RBM19: variants seen among roughly 807,000 people sequenced by gnomAD.
RBM19 encodes probable RNA-binding protein 19.
A neutral mutation model predicts 116.8 loss-of-function variants in RBM19; 94 were observed. The observed-to-expected ratio is 0.80, with a 90% CI of 0.68 to 0.95. RBM19 has a LOEUF of 0.95. RBM19 is among the 40% of genes least tolerant of loss of function. RBM19 has a pLI of 0.00. For missense variants in RBM19, 1,161 were observed against 1,220.7 expected (o/e 0.95, Z 0.73); for synonymous variants, 475 against 494.1 (o/e 0.96, Z 0.51).
intron 21 of RBM19, among the ~76,000 whole-genome samples, chr12:113,866,025 CAGA>C (rs1475406799): frequency 4.6e-5 from 7 of 152,280 alleles, no homozygotes; most frequent in African/African-American, 1.2e-4. Context: ...TTCTCTCCCG[CAGA>C]AGGTTATGTT....
chr12:113,872,685 G>A (rs1179158644), intron 21 of RBM19, among the ~76,000 whole-genome samples: 3 of 3,784 alleles, frequency 7.9e-4, no homozygotes, highest in African/African-American at 1.3e-3. Context: ...CAGCCGCCCC[G>A]TCCGGGAGGG....
rs57857589 is a variant in RBM19 at position 113,946,118 on chromosome 12, C to T, written c.1530-194G>A. On this transcript the variant is annotated intron_variant, in intron 12 of 23. Transcript: ENST00000261741. Reference sequence around the variant, plus strand: ...ATGACAGGAACCATCCCTAACAGTGCTTCATCTGTGTCAGGGACTAAGAAC... The same window carrying T: ...ATGACAGGAACCATCCCTAACAGTGTTTCATCTGTGTCAGGGACTAAGAAC... Among the ~76,000 whole-genome samples, 785 of 152,324 alleles carry T rather than the reference C, an allele frequency of 5.2e-3. 8 individuals carry two copies. The highest frequency in any genetic ancestry group is 0.017 in the African/African-American group (706 of 41,566).
At chr12:113,883,325 G>A (rs1265560613) in intron 21 of RBM19, among the ~76,000 whole-genome samples, 2 of 152,248 alleles carry the variant, frequency 1.3e-5, no homozygotes, top group Non-Finnish European at 2.9e-5. Flanking sequence ...AAGCAAGAGA[G>A]GCTGCTGTCT....
intron 23 of RBM19, among the ~76,000 whole-genome samples, chr12:113,843,387 G>C (rs1876668371): frequency 6.6e-6 from 1 of 152,160 alleles, no homozygotes; most frequent in Admixed American, 6.5e-5. Flanking sequence ...CCTGAGACCT[G>C]GGACCCAGGC....
At chr12:113,927,324 C>G in intron 16 of RBM19, 95 bp from the exon 17 acceptor site, 1 of 1,439,304 alleles carries the variant, frequency 6.9e-7, no homozygotes, top group Non-Finnish European at 9.2e-7. Flanking sequence ...TGCAAAAAGC[C>G]CACTAGGTAA....
In RBM19 at chr12:113,962,307, G is replaced by C. The variant is rs1467157162; in HGVS notation, c.144C>G (p.Gly48=). 1 of 1,614,230 alleles carries C rather than the reference G, an allele frequency of 6.2e-7. No homozygotes were observed. The highest frequency in any genetic ancestry group is 8.5e-7 in the Non-Finnish European group (1 of 1,180,046). ...DGKFRKFGFI[G]FKSEEEAQKA... Reference sequence around the variant, plus strand: ...TCTGGGCCTCTTCCTCGGACTTGAAGCCAATAAAACCAAACTTGCGGAACT... The same window carrying C: ...TCTGGGCCTCTTCCTCGGACTTGAACCCAATAAAACCAAACTTGCGGAACT... The change falls in exon 2 of 24, where the codon GGC becomes GGG. Residue 48 remains glycine (G), a synonymous_variant. Coordinates refer to ENST00000261741, the MANE Select transcript of RBM19 (RefSeq NM_016196.4).
At chr12:113,864,714 C>T (rs928998120) in intron 21 of RBM19, among the ~76,000 whole-genome samples, 1 of 152,182 alleles carries the variant, frequency 6.6e-6, no homozygotes, top group Non-Finnish European at 1.5e-5. Flanking sequence ...GGCTTGGGAA[C>T]AGAACTATCA....
At chr12:113,951,538 A>ACACACACACACACAC (rs1566038702) in intron 8 of RBM19, among the ~76,000 whole-genome samples, 1 of 150,128 alleles carries the variant, frequency 6.7e-6, no homozygotes, top group African/African-American at 2.4e-5. Flanking sequence ...CACACACACA[A>ACACACACACACACAC]ACACACACAC....
intron 21 of RBM19, among the ~76,000 whole-genome samples, chr12:113,887,116 T>C (rs1880583197): frequency 6.6e-6 from 1 of 152,246 alleles, no homozygotes; most frequent in African/African-American, 2.4e-5. Context: ...TTTCATCGTC[T>C]ATGATACAGA....
rs372137546 is a variant in RBM19 at position 113,945,814 on chromosome 12, C to A, written c.1626+14G>T. 6.5e-7 allele frequency: 1 copy of A among 1,526,866 alleles called. No homozygotes were observed. The highest frequency in any genetic ancestry group is 1.1e-5 in the South Asian group (1 of 88,754). The allele number at this position is 1,526,866 out of a possible 1,614,324, so 94.6% of individuals were successfully genotyped here. On this transcript the variant is annotated intron_variant, in intron 13 of 23. Transcript: ENST00000261741. ...GGCCCAGATCCCAGAGAGGACTGGT[C>A]GGCCCTTACTCACGTGGTCAAACAC...
chr12:113,926,674 C>G (rs1316739385), intron 17 of RBM19, among the ~76,000 whole-genome samples: 1 of 152,244 alleles, frequency 6.6e-6, no homozygotes, highest in South Asian at 2.1e-4. Flanking sequence ...CAAGCCCAGA[C>G]CCTCACTCAC....
At position 113,927,184 on chromosome 12, in the gene RBM19, CCTT is replaced by C; in HGVS notation, c.2111_2113del (p.Glu704del). ...CATCTTTGCTGAAGAGTTGTCTGCT[CCTT>C]CCTCTGTTGGATTTTCATCTTCTGG... On this transcript the variant is annotated inframe_deletion, in exon 17 of 24. Transcript: ENST00000261741. 1.3e-6 allele frequency: 2 copies of C among 1,585,950 alleles called. No individual in the cohort carries two copies. The highest frequency in any genetic ancestry group is 1.7e-6 in the Non-Finnish European group (2 of 1,165,242).
At chr12:113,824,354 A>G (rs549784496) in intron 23 of RBM19, among the ~76,000 whole-genome samples, 3 of 152,308 alleles carry the variant, frequency 2.0e-5, no homozygotes, top group Admixed American at 6.5e-5. Context: ...AAGGGGATCA[A>G]TGGTGGCAGG....
Position 113,880,360 on chromosome 12 carries a change from G to A in RBM19, c.2559-21464C>T, listed in dbSNP as rs144732764. On this transcript the variant is annotated intron_variant, in intron 21 of 23. Coordinates refer to ENST00000261741, the MANE Select transcript of RBM19 (RefSeq NM_016196.4). ...CCTCCCCTACCCTCACTGGTTCCTC[G>A]TGGGTTCCATGATCCTGCCTACATC... Among the ~76,000 whole-genome samples, 175 of 152,204 alleles carry A rather than the reference G, an allele frequency of 1.1e-3. 1 individual carries two copies. The highest frequency in any genetic ancestry group is 1.7e-3 in the Non-Finnish European group (116 of 68,010).
intron 21 of RBM19, among the ~76,000 whole-genome samples, chr12:113,911,967 G>A (rs1203434312): frequency 2.0e-5 from 3 of 152,170 alleles, no homozygotes; most frequent in African/African-American, 7.2e-5. Flanking sequence ...CCACTGCTGT[G>A]CCTCTCTCTG....
chr12:113,875,579 C>T (rs1272537077), intron 21 of RBM19, among the ~76,000 whole-genome samples: 5 of 152,130 alleles, frequency 3.3e-5, no homozygotes, highest in African/African-American at 9.7e-5. Flanking sequence ...AGCCCTTGGA[C>T]ATCTTGGTGT....
chr12:113,871,845 G>C (rs1281998652), intron 21 of RBM19, among the ~76,000 whole-genome samples: 2 of 152,198 alleles, frequency 1.3e-5, no homozygotes, highest in South Asian at 4.1e-4. Flanking sequence ...GGGAGGCAGC[G>C]GCTGGAGGAG....
At chr12:113,965,998 TA>T in intron 1 of RBM19, 193 bp downstream of exon 1, 1 of 629,408 alleles carries the variant, frequency 1.6e-6, no homozygotes, top group Non-Finnish European at 2.8e-6. Context: ...CGTGAAACCG[TA>T]AGCAGTCACT....
chr12:113,887,907 AG>A (rs1232729029), intron 21 of RBM19, among the ~76,000 whole-genome samples: 1 of 152,092 alleles, frequency 6.6e-6, no homozygotes, highest in Admixed American at 6.5e-5. Flanking sequence ...TTTTCTGTAG[AG>A]GTGAGGTCTC....
Sources: allele counts gnomAD v4.1 joint callset (sites outside exome capture counted in the v4.1 genomes callset), GRCh38; gene constraint gnomAD v4.1.1; transcripts MANE v1.5; gene names NCBI Gene and HGNC (gene_info 2026-07-23, HGNC 2026-07-21).